LAMA3: variants seen among roughly 807,000 people sequenced by gnomAD.
The protein encoded by LAMA3 is laminin subunit alpha-3.
A neutral mutation model predicts 402.0 loss-of-function variants in LAMA3; 281 were observed. The ratio of observed to expected loss-of-function variants is 0.70; its 90% CI spans 0.63 to 0.77. LAMA3 has a LOEUF of 0.77. Among genes scored for constraint, LAMA3 ranks in the 30% least tolerant of loss-of-function variants. The pLI, the probability that LAMA3 is intolerant of heterozygous loss-of-function variation, is 0.00. For synonymous variants in LAMA3, 1,431 were observed against 1,558.4 expected, an observed-to-expected ratio of 0.92 and a Z score of 1.93; for missense variants, 3,840 against 4,215.5, an observed-to-expected ratio of 0.91 and a Z score of 2.47.
chr18:23,933,834 G>A lies in LAMA3; in HGVS notation c.8761G>A (p.Asp2921Asn), dbSNP rs953241490. 3.1e-6 allele frequency: 5 copies of A among 1,614,046 alleles called. No individual in the cohort carries two copies. In the Admixed American group the frequency reaches 8.3e-5, roughly 27 times the overall value. ...LDLTSNSLKR[D>N]VSLGGCSLNK... The stretch of plus-strand genomic sequence containing the variant: ...TTTGACCAGTAACTCTCTCAAGAGA[G>A]ATGTGTCCCTGGGAGGCTGCAGTTT... The change falls in exon 67 of 75, where the codon GAT (aspartate) becomes AAT (asparagine). Residue 2921 changes from aspartate (D) to asparagine (N), a missense_variant. Asp to Asn is a conservative substitution (Grantham distance 23, BLOSUM62 1). This residue lies in a region of LAMA3 where 840 missense variants were observed against 981.9 expected (regional missense o/e 0.86). Transcript: ENST00000313654.
intron 41 of LAMA3, among the ~76,000 whole-genome samples, chr18:23,885,297 CAT>C (rs979343042): frequency 3.3e-5 from 5 of 151,282 alleles, no homozygotes; most frequent in South Asian, 2.1e-4. Flanking sequence ...CGTACACACA[CAT>C]ATCCACAGCC....
chr18:23,816,334 C>CTTGTACA, intron 17 of LAMA3, 54 bp from the exon 18 acceptor site: 1 of 1,385,350 alleles, frequency 7.2e-7, no homozygotes, highest in East Asian at 2.3e-5. Flanking sequence ...GCAGGGGAGG[C>CTTGTACA]GCTCAGTGTG....
At chr18:23,786,659 C>A (rs2036493831) in intron 12 of LAMA3, among the ~76,000 whole-genome samples, 1 of 152,154 alleles carries the variant, frequency 6.6e-6, no homozygotes. Flanking sequence ...ATAGAAACCA[C>A]TTTTGAATGA....
At position 23,763,542 on chromosome 18, in the gene LAMA3, C is replaced by A. The variant is rs368051364; in HGVS notation, c.1182+19C>A. On this transcript the variant is annotated intron_variant, in intron 8 of 74. Coordinates refer to ENST00000313654, the MANE Select transcript of LAMA3 (RefSeq NM_198129.4). ...CTGTCAGGTGAGGCACTATTTAAAT[C>A]AAAGTGGATGTGTTGTCATGGGGAA... 3 of 1,379,368 alleles carry A rather than the reference C, an allele frequency of 2.2e-6. No homozygotes were observed. Among genetic ancestry groups the A allele is most frequent in the South Asian group, 1.2e-5 (1 of 86,414 alleles). 85.4% of individuals were successfully genotyped at this position (1,379,368 alleles called of 1,614,324 possible). A position where few individuals can be genotyped will look rare whatever the true frequency, so the allele number is the denominator to read the frequency against.
intron 29 of LAMA3, among the ~76,000 whole-genome samples, chr18:23,843,353 C>T (rs921715235): frequency 1.2e-4 from 19 of 152,170 alleles, no homozygotes; most frequent in African/African-American, 4.1e-4. Flanking sequence ...TGCATAGCCC[C>T]GATGTGCCTA....
At chr18:23,855,084 G>T (rs2064041005) in intron 32 of LAMA3, among the ~76,000 whole-genome samples, 2 of 152,206 alleles carry the variant, frequency 1.3e-5, no homozygotes, top group Admixed American at 6.5e-5. Context: ...CCAGGTCCCT[G>T]CCCAGATCAC....
intron 39 of LAMA3, 81 bp from the exon 40 acceptor site, chr18:23,881,855 T>C: frequency 3.4e-6 from 3 of 891,130 alleles, no homozygotes; most frequent in South Asian, 1.4e-5. Flanking sequence ...GTTGTAGTCA[T>C]GTGACTAAGT....
Position 23,791,970 on chromosome 18 carries a change from A to G in LAMA3, c.1603+7813A>G, listed in dbSNP as rs530010602. Among the ~76,000 whole-genome samples the G allele has an allele frequency of 6.6e-5, 10 of 152,322 alleles. No homozygotes were observed. In the East Asian group the frequency reaches 1.9e-3, roughly 29 times the overall value. On this transcript the variant is annotated intron_variant, in intron 12 of 74. Coordinates refer to ENST00000313654, the MANE Select transcript of LAMA3 (RefSeq NM_198129.4). ...TGAAGTATTGTCCCTGAACAATGAT[A>G]TATACAAAATTCCAAGGCCAAGTCA... is the stretch of plus-strand genomic sequence containing the variant.
At chr18:23,800,457 A>G (rs1190032108) in intron 12 of LAMA3, among the ~76,000 whole-genome samples, 1 of 152,228 alleles carries the variant, frequency 6.6e-6, no homozygotes, top group African/African-American at 2.4e-5. Context: ...TGATATTGCC[A>G]TACATGGATA....
rs1416868276 is a variant in LAMA3, at chr18:23,771,114, T to C, written c.1183-2383T>C. On this transcript the variant is annotated intron_variant, in intron 8 of 74. Coordinates refer to ENST00000313654, the MANE Select transcript of LAMA3 (RefSeq NM_198129.4). ...GAAATGTTTGTTTTCAAAAAGTTTA[T>C]AGTAGCTTTATGCAAATACCCCCAA... Among the ~76,000 whole-genome samples the C allele has an allele frequency of 2.6e-5, 4 of 152,238 alleles. No homozygotes were observed. The East Asian group carries it at 7.7e-4, about 29-fold the overall frequency.
chr18:23,945,068 G>A (rs1213865411), intron 69 of LAMA3, among the ~76,000 whole-genome samples: 1 of 151,884 alleles, frequency 6.6e-6, no homozygotes, highest in East Asian at 1.9e-4. Flanking sequence ...AGGAGGTGGA[G>A]GTTGCAGTGA....
intron 74 of LAMA3, 31 bp from the exon 75 acceptor site, chr18:23,954,472 T>C: frequency 6.2e-7 from 1 of 1,604,024 alleles, no homozygotes; most frequent in Non-Finnish European, 8.5e-7. Flanking sequence ...TATGAATTAT[T>C]TACTGAATGC....
intron 13 of LAMA3, among the ~76,000 whole-genome samples, 155 bp downstream of exon 13, chr18:23,810,658 C>G (rs1598838040): frequency 6.6e-6 from 1 of 152,032 alleles, no homozygotes; most frequent in East Asian, 1.9e-4. Context: ...CTCACCTGTT[C>G]AAGTCTGGTT....
In LAMA3 at chr18:23,936,491, G is replaced by A. The variant is rs192074379; in HGVS notation, c.8862+2556G>A. Among the ~76,000 whole-genome samples the A allele has an allele frequency of 2.4e-3, 364 of 150,916 alleles. 3 individuals are homozygous for A. The highest frequency in any genetic ancestry group is 0.016 in the South Asian group (77 of 4,774). ...CACAAAGAACGTGCTCTTCTCCCAGGCACTCAGAGCTCAGTGGGGATCTCC... is the reference window on the plus strand; with the variant it reads ...CACAAAGAACGTGCTCTTCTCCCAGACACTCAGAGCTCAGTGGGGATCTCC... On this transcript the variant is annotated intron_variant, in intron 67 of 74. Coordinates refer to ENST00000313654, the MANE Select transcript of LAMA3 (RefSeq NM_198129.4).
At chr18:23,730,373 T>C (rs1355961460) in intron 2 of LAMA3, among the ~76,000 whole-genome samples, 8 of 148,526 alleles carry the variant, frequency 5.4e-5, no homozygotes, top group African/African-American at 1.2e-4. Flanking sequence ...TCTTTCTTTT[T>C]TTTTTTTTTT....
chr18:23,698,202 C>CTTTTT (rs755879182), intron 1 of LAMA3, among the ~76,000 whole-genome samples: 8 of 108,862 alleles, frequency 7.3e-5, no homozygotes, highest in Admixed American at 1.2e-4. Flanking sequence ...TCTTCTTCTT[C>CTTTTT]TTTTTTTTTT....
Position 23,751,086 on chromosome 18 carries a change from C to T in LAMA3, c.853C>T (p.Arg285Trp), listed in dbSNP as rs779113390. The change falls in exon 5 of 75, where the codon CGG (arginine) becomes TGG (tryptophan). Residue 285 changes from arginine (R) to tryptophan (W), a missense_variant and splice_region_variant. Physicochemically the swap from Arg to Trp is moderately radical, Grantham distance 101 (BLOSUM62 -3). Coordinates refer to ENST00000313654, the MANE Select transcript of LAMA3 (RefSeq NM_198129.4). The part of the protein sequence containing the change: ...KAQRDPTVTR[R>W]YYYSIKDISI... ...CCAGCGAGATCCAACTGTCACTCGG[C>T]GGGTGAGTAGTCAGAGCATTTGTTT... The T allele has an allele frequency of 2.2e-5, 36 of 1,613,878 alleles. No individual in the cohort carries two copies. Among genetic ancestry groups the T allele is most frequent in the South Asian group, 3.3e-5 (3 of 91,086 alleles).
chr18:23,730,878 T>C (rs2061383478), intron 2 of LAMA3, among the ~76,000 whole-genome samples: 1 of 152,228 alleles, frequency 6.6e-6, no homozygotes, highest in South Asian at 2.1e-4. Flanking sequence ...CATTGTTAAA[T>C]ATTTCTGAGT....
chr18:23,856,576 T>A (rs2064084474), intron 32 of LAMA3, among the ~76,000 whole-genome samples: 1 of 152,160 alleles, frequency 6.6e-6, no homozygotes, highest in African/African-American at 2.4e-5. Flanking sequence ...CCACTGCTTT[T>A]CTGCCTCTGC....
Sources: gnomAD v4.1 joint callset for allele counts (sites outside exome capture counted in the v4.1 genomes callset) on GRCh38, gnomAD v4.1.1 for gene constraint, gnomAD v4.1.1 regional missense constraint, MANE v1.5 for transcripts, NCBI Gene and HGNC (gene_info 2026-07-23, HGNC 2026-07-21) for gene names.